ACOXL: variants seen among roughly 807,000 people sequenced by gnomAD.
The protein encoded by ACOXL is acyl-CoA oxidase like.
In ACOXL, 70 loss-of-function variants were observed where a neutral mutation model predicts 71.9. The ratio of observed to expected loss-of-function variants is 0.97; its 90% confidence interval spans 0.80 to 1.19. The LOEUF (loss-of-function observed/expected upper bound fraction) is 1.19, where lower values mean the gene tolerates loss of function less well. Among genes scored for constraint, ACOXL ranks in the 50% most tolerant of loss-of-function variants. The probability of loss-of-function intolerance (pLI) is 0.00; values close to 1 mark genes in which losing one functional copy is unlikely to be tolerated. For missense variants in ACOXL, 703 were observed against 736.3 expected, an observed-to-expected ratio of 0.95 and a Z score of 0.52; for synonymous variants, 253 against 281.6, an observed-to-expected ratio of 0.90 and a Z score of 1.02.
At chr2:110,843,742 C>G (rs1691463378) in intron 10 of ACOXL, among the ~76,000 whole-genome samples, 1 of 152,188 alleles carries the variant, frequency 6.6e-6, no homozygotes, top group African/African-American at 2.4e-5. Context: ...TGTGGTTTCC[C>G]CCTGCTGTGT....
At chr2:110,847,740 C>T (rs954935053) in intron 10 of ACOXL, among the ~76,000 whole-genome samples, 5 of 152,192 alleles carry the variant, frequency 3.3e-5, no homozygotes, top group African/African-American at 1.2e-4. Flanking sequence ...GCCCTGGCAC[C>T]CCTCGAGGGC....
At chr2:110,916,456 C>A (rs955552738) in intron 11 of ACOXL, among the ~76,000 whole-genome samples, 1 of 151,968 alleles carries the variant, frequency 6.6e-6, no homozygotes, top group Non-Finnish European at 1.5e-5. Context: ...CAAGAGAAAG[C>A]AGGAAAGATC....
At chr2:110,733,022 C>T (rs1348597627) in intron 1 of ACOXL, 1 of 152,650 alleles carries the variant, frequency 6.6e-6, no homozygotes, top group Non-Finnish European at 1.5e-5. Flanking sequence ...GCTCCCTCCC[C>T]CACGAAGAGT....
chr2:110,894,114 A>T (rs986090057), intron 10 of ACOXL, among the ~76,000 whole-genome samples: 1 of 152,166 alleles, frequency 6.6e-6, no homozygotes, highest in African/African-American at 2.4e-5. Context: ...CCTGCAATAG[A>T]ACTTACTTCC....
rs1352640352 is a variant in ACOXL, at chr2:110,968,018, G to A, written c.1060-19090G>A. ...CATCTAACCAACAGAGATATCATTA[G>A]TCAGATTGCTTATGCCCGTATAGAG... is the stretch of plus-strand genomic sequence containing the variant. On this transcript the variant is annotated intron_variant, in intron 12 of 17. Transcript: ENST00000439055. The A allele has an allele frequency of 7.7e-6, 8 of 1,035,188 alleles. No homozygotes were observed. The African/African-American group carries it at 7.8e-5, about 10-fold the overall frequency. 64.1% of individuals were successfully genotyped at this position (1,035,188 alleles called of 1,614,324 possible). A position where few individuals can be genotyped will look rare whatever the true frequency, so the allele number is the denominator to read the frequency against.
intron 10 of ACOXL, among the ~76,000 whole-genome samples, chr2:110,895,797 A>G (rs2058985000): frequency 6.6e-6 from 1 of 152,198 alleles, no homozygotes; most frequent in Admixed American, 6.5e-5. Flanking sequence ...TTCTATATCC[A>G]GTAAAAATGT....
chr2:110,744,898 C>G (rs894088129), intron 1 of ACOXL, among the ~76,000 whole-genome samples: 14 of 152,132 alleles, frequency 9.2e-5, no homozygotes, highest in Admixed American at 9.2e-4. Context: ...GAGACCACCT[C>G]TAGGATGAAG....
At chr2:110,892,690 C>G (rs1022264594) in intron 10 of ACOXL, among the ~76,000 whole-genome samples, 1 of 151,906 alleles carries the variant, frequency 6.6e-6, no homozygotes, top group Non-Finnish European at 1.5e-5. Flanking sequence ...ATTGTAAAAT[C>G]AAAGATGAAA....
intron 2 of ACOXL, among the ~76,000 whole-genome samples, chr2:110,771,362 C>T (rs973519574): frequency 2.0e-5 from 3 of 152,186 alleles, no homozygotes; most frequent in African/African-American, 7.2e-5. Flanking sequence ...GCTGTCCTGC[C>T]TGCTCAGGGA....
intron 2 of ACOXL, among the ~76,000 whole-genome samples, chr2:110,769,177 T>C (rs1681529521): frequency 6.6e-6 from 1 of 151,956 alleles, no homozygotes; most frequent in African/African-American, 2.4e-5. Context: ...GTCTAAAAAC[T>C]GTCATTCTAA....
chr2:110,787,568 G>T (rs1452431806), intron 3 of ACOXL, among the ~76,000 whole-genome samples: 1 of 147,634 alleles, frequency 6.8e-6, no homozygotes, highest in Non-Finnish European at 1.5e-5. Flanking sequence ...AGAAAAAAAA[G>T]AAATACTTCT....
chr2:110,864,353 T>C (rs767293631), intron 10 of ACOXL, among the ~76,000 whole-genome samples: 39 of 152,134 alleles, frequency 2.6e-4, no homozygotes, highest in Admixed American at 4.6e-4. Context: ...TTCTCAAAAC[T>C]GAACACCAGG....
chr2:110,797,524 G>A (rs944441224), intron 5 of ACOXL, among the ~76,000 whole-genome samples: 1 of 152,192 alleles, frequency 6.6e-6, no homozygotes, highest in Non-Finnish European at 1.5e-5. Flanking sequence ...AAGCAGTGGT[G>A]GGAATAGGTC....
chr2:110,814,814 A>G (rs1687734892), intron 9 of ACOXL, among the ~76,000 whole-genome samples: 1 of 152,056 alleles, frequency 6.6e-6, no homozygotes, highest in Admixed American at 6.5e-5. Context: ...CTTTTCTTAT[A>G]CTCTATAAAT....
chr2:111,088,998 T>C (rs1336490786), intron 16 of ACOXL, among the ~76,000 whole-genome samples: 2 of 152,112 alleles, frequency 1.3e-5, no homozygotes, highest in Non-Finnish European at 2.9e-5. Flanking sequence ...CTTAATCAGA[T>C]TACTAGAAGA....
intron 2 of ACOXL, among the ~76,000 whole-genome samples, chr2:110,771,960 G>A (rs1454775068): frequency 6.6e-6 from 1 of 152,216 alleles, no homozygotes; most frequent in Non-Finnish European, 1.5e-5. Context: ...ATCCCTGGAA[G>A]CTGACAGAGT....
intron 11 of ACOXL, among the ~76,000 whole-genome samples, chr2:110,921,683 G>A (rs917740151): frequency 2.3e-4 from 35 of 152,116 alleles, no homozygotes; most frequent in African/African-American, 6.5e-4. Context: ...ATGAGCCACC[G>A]CGCCTGGCCT....
At chr2:110,832,544 C>CAAAAAAAAAAAAAAAAAAAAAAAAAAA (rs769471148) in intron 9 of ACOXL, among the ~76,000 whole-genome samples, 1 of 44,314 alleles carries the variant, frequency 2.3e-5, no homozygotes, top group Non-Finnish European at 4.7e-5. Context: ...GACTCCATCT[C>CAAAAAAAAAAAAAAAAAAAAAAAAAAA]AAAAAAAAAA....
chr2:110,755,015 C>T (rs1160811767), intron 1 of ACOXL, among the ~76,000 whole-genome samples: 9 of 152,134 alleles, frequency 5.9e-5, no homozygotes, highest in Non-Finnish European at 1.2e-4. Flanking sequence ...GCCACCTTGC[C>T]AGGCTTCCTA....
Sources: gnomAD v4.1 joint callset for allele counts (sites outside exome capture counted in the v4.1 genomes callset) on GRCh38, gnomAD v4.1.1 for gene constraint, MANE v1.5 for transcripts, NCBI Gene and HGNC (gene_info 2026-07-23, HGNC 2026-07-21) for gene names.